Variants in HYDIN observed in about 807,000 individuals in gnomAD.
The protein encoded by HYDIN is axonemal central pair apparatus protein HYDIN.
A neutral mutation model predicts 403.9 loss-of-function variants in HYDIN; 132 were observed. That is an observed-to-expected ratio of 0.33 (90% CI 0.28 to 0.38). HYDIN has a LOEUF of 0.38. HYDIN is among the 10% of genes least tolerant of loss of function. HYDIN has a pLI of 1.00. For missense variants in HYDIN, 2,827 were observed against 5,009.5 expected (o/e 0.56, Z 13.15); for synonymous variants, 1,202 against 1,891.7 (o/e 0.64, Z 9.46).
chr16:71,080,179 T>C, intron 12 of HYDIN: 1 of 340,072 alleles, frequency 2.9e-6, no homozygotes, highest in Non-Finnish European at 5.4e-6. Context: ...GTGGTTAACT[T>C]ATTATCTTAT....
chr16:71,206,372 G>C (rs2088300273), intron 1 of HYDIN, among the ~76,000 whole-genome samples: 1 of 152,080 alleles, frequency 6.6e-6, no homozygotes, highest in Non-Finnish European at 1.5e-5. Context: ...AATCAAACTT[G>C]CCTTATACCA....
intron 75 of HYDIN, among the ~76,000 whole-genome samples, chr16:70,846,497 G>A (rs1435396559): frequency 6.8e-6 from 1 of 147,588 alleles, no homozygotes; most frequent in South Asian, 2.2e-4. Flanking sequence ...GTGGTGTGGT[G>A]CTGAAAAAAA....
At chr16:71,109,625 A>G (rs377307011) in intron 10 of HYDIN, among the ~76,000 whole-genome samples, 1 of 134,280 alleles carries the variant, frequency 7.4e-6, no homozygotes, top group African/African-American at 4.0e-5. Context: ...ATATGGAATT[A>G]CTATGTAAGC....
chr16:71,122,792 T>C (rs372685386), intron 9 of HYDIN, among the ~76,000 whole-genome samples: 8 of 152,180 alleles, frequency 5.3e-5, no homozygotes, highest in African/African-American at 1.9e-4. Context: ...CTCTCTCTTT[T>C]TAAGGCTTAG....
chr16:71,040,177 C>T (rs978197585), intron 18 of HYDIN, among the ~76,000 whole-genome samples: 5 of 152,098 alleles, frequency 3.3e-5, no homozygotes, highest in Non-Finnish European at 7.3e-5. Context: ...TTGCTGGTGC[C>T]GATGCGGTTG....
intron 1 of HYDIN, among the ~76,000 whole-genome samples, chr16:71,209,486 C>G (rs9938850): frequency 0.36 from 54,309 of 151,246 alleles, 10,120 homozygotes; most frequent in East Asian, 0.57. Context: ...CCTGGAACAA[C>G]TCAAAGGATG....
At chr16:71,030,948 C>T (rs375452020) in intron 19 of HYDIN, among the ~76,000 whole-genome samples, 3 of 151,944 alleles carry the variant, frequency 2.0e-5, no homozygotes, top group East Asian at 1.9e-4. Context: ...TGCCTGTAAT[C>T]CCAGCACTTT....
Position 70,879,494 on chromosome 16 carries a change from G to T in HYDIN, c.10368-8C>A, listed in dbSNP as rs377636386. The T allele has an allele frequency of 6.2e-7, 1 of 1,613,022 alleles. No homozygotes were observed. Among genetic ancestry groups the T allele is most frequent in the Non-Finnish European group, 8.5e-7 (1 of 1,179,480 alleles). On this transcript the variant is annotated splice_polypyrimidine_tract_variant and splice_region_variant and intron_variant, in intron 61 of 85. Coordinates refer to ENST00000393567, the MANE Select transcript of HYDIN (RefSeq NM_001270974.2). ...CGGCTCTTGGCCAGGGTGCTGTAGG[G>T]GACAGGAAGATTGTAGCCTGTCAGC...
intron 20 of HYDIN, among the ~76,000 whole-genome samples, chr16:71,025,963 C>T (rs1266349020): frequency 6.6e-6 from 1 of 150,906 alleles, no homozygotes; most frequent in African/African-American, 2.4e-5. Context: ...TGCAATGGTG[C>T]AATCTCAGCT....
intron 50 of HYDIN, among the ~76,000 whole-genome samples, chr16:70,904,531 G>GTTTTTTTTTTTTTTTTTTTTTT (rs1567802705): frequency 4.4e-5 from 1 of 22,746 alleles, no homozygotes; most frequent in Non-Finnish European, 8.0e-5. Context: ...AGGGAGTTTC[G>GTTTTTTTTTTTTTTTTTTTTTT]TTCTTGTTGC....
At chr16:70,909,535 C>T (rs533301438) in intron 47 of HYDIN, among the ~76,000 whole-genome samples, 1 of 150,206 alleles carries the variant, frequency 6.7e-6, no homozygotes, top group Non-Finnish European at 1.5e-5. Context: ...GACATGATGA[C>T]TCCTTGCCTC....
intron 58 of HYDIN, among the ~76,000 whole-genome samples, chr16:70,887,140 T>A (rs940030360): frequency 6.6e-6 from 1 of 152,236 alleles, no homozygotes; most frequent in Non-Finnish European, 1.5e-5. Context: ...CAGAGTCTAC[T>A]TTCTCTCTTT....
chr16:71,161,716 T>C (rs1401493347), intron 6 of HYDIN, among the ~76,000 whole-genome samples: 1 of 151,674 alleles, frequency 6.6e-6, no homozygotes, highest in African/African-American at 2.4e-5. Flanking sequence ...TAACATTAGC[T>C]GATCAGCAAA....
chr16:71,217,932 A>G (rs2088977251), intron 1 of HYDIN, among the ~76,000 whole-genome samples: 1 of 152,170 alleles, frequency 6.6e-6, no homozygotes, highest in African/African-American at 2.4e-5. Context: ...ATCGTTGTTG[A>G]AAAATCTCCT....
intron 1 of HYDIN, among the ~76,000 whole-genome samples, chr16:71,203,517 G>A (rs1357046186): frequency 6.6e-6 from 1 of 152,152 alleles, no homozygotes; most frequent in Non-Finnish European, 1.5e-5. Context: ...GAATAGGAGA[G>A]AATAAGCTTA....
rs942072639 is a variant in HYDIN at position 71,150,888 on chromosome 16, G to A, written c.841+1771C>T. Among the ~76,000 whole-genome samples, 5 of 152,082 alleles carry A rather than the reference G, an allele frequency of 3.3e-5. No homozygotes were observed. The South Asian group carries it at 6.2e-4, about 19-fold the overall frequency. On this transcript the variant is annotated intron_variant, in intron 7 of 85. Coordinates refer to ENST00000393567, the MANE Select transcript of HYDIN (RefSeq NM_001270974.2). ...AATAACAAAAGAATAAGCAAAGAAA[G>A]GTCTTGAACAGACACTTAAAAAGAT...
chr16:71,030,060 T>C (rs12149909), intron 19 of HYDIN, among the ~76,000 whole-genome samples: 1 of 152,202 alleles, frequency 6.6e-6, no homozygotes, highest in Non-Finnish European at 1.5e-5. Flanking sequence ...TATTTATTTA[T>C]TTAATTTGAG....
At chr16:71,117,474 A>C (rs2084085365) in intron 9 of HYDIN, among the ~76,000 whole-genome samples, 1 of 152,146 alleles carries the variant, frequency 6.6e-6, no homozygotes, top group South Asian at 2.1e-4. Flanking sequence ...CTCAGTAAAT[A>C]ACTGACTACT....
At chr16:70,867,932 G>A (rs1026090950) in intron 66 of HYDIN, among the ~76,000 whole-genome samples, 6 of 151,992 alleles carry the variant, frequency 3.9e-5, no homozygotes, top group African/African-American at 1.2e-4. Flanking sequence ...GCCTCCCAAA[G>A]TTTTGGGATT....
Sources: gnomAD v4.1 joint callset for allele counts (sites outside exome capture counted in the v4.1 genomes callset) on GRCh38, gnomAD v4.1.1 for gene constraint, MANE v1.5 for transcripts, NCBI Gene and HGNC (gene_info 2026-07-23, HGNC 2026-07-21) for gene names.